The following SPATS2 variants were observed in gnomAD, a reference collection of about 807,000 sequenced individuals.
SPATS2 encodes spermatogenesis associated serine rich 2, also known as spermatogenesis-associated serine-rich protein 2.
A neutral mutation model predicts 63.7 loss-of-function variants in SPATS2; 38 were observed. That is an observed-to-expected ratio of 0.60 (90% CI 0.46 to 0.78). The LOEUF (loss-of-function observed/expected upper bound fraction) is 0.78. SPATS2 is among the 30% of genes least tolerant of loss of function. The pLI is 0.00. For synonymous variants in SPATS2, 207 were observed against 232.9 expected (o/e 0.89, Z 1.01); for missense variants, 588 against 666.2 (o/e 0.88, Z 1.29).
rs10601423 is a variant in SPATS2, at chr12:49,375,141, AGTGTGTGTGTGTGTGTGTGTGTGT to A, written c.-244+3883_-244+3906del. On this transcript the variant is annotated intron_variant, in intron 2 of 13. Transcript: ENST00000552918. ...CAAGATGTATGATTGCAAGTTGTGG[AGTGTGTGTGTGTGTGTGTGTGTGT>A]GTGTGTGTGTGTGTGTGTGTGTGTG... Among the ~76,000 whole-genome samples the A allele has an allele frequency of 1.0e-3, 123 of 123,382 alleles. 1 individual carries two copies. Among genetic ancestry groups the A allele is most frequent in the African/African-American group, 3.1e-3 (98 of 31,190 alleles). The allele number at this position is 123,382 out of a possible 152,430, so 80.9% of individuals were successfully genotyped here. A position where few individuals can be genotyped will look rare whatever the true frequency, so the allele number is the denominator to read the frequency against.
chr12:49,513,210 AGTGTGTGTGT>A (rs71860115), intron 9 of SPATS2, among the ~76,000 whole-genome samples: 183 of 148,124 alleles, frequency 1.2e-3, no homozygotes, highest in African/African-American at 4.4e-3. Flanking sequence ...AGAGAGAAAG[AGTGTGTGTGT>A]GTGTGTGTGT....
intron 2 of SPATS2, among the ~76,000 whole-genome samples, chr12:49,427,339 A>C (rs1945098724): frequency 6.6e-6 from 1 of 152,242 alleles, no homozygotes; most frequent in South Asian, 2.1e-4. Flanking sequence ...TTAACATTAT[A>C]TTGCTAAGAT....
chr12:49,495,344 C>T (rs1019904571), intron 7 of SPATS2, among the ~76,000 whole-genome samples: 1 of 152,040 alleles, frequency 6.6e-6, no homozygotes, highest in Non-Finnish European at 1.5e-5. Context: ...CAGGCACCCG[C>T]CACCACGCCT....
In SPATS2 at chr12:49,525,998, T is replaced by G. The variant is rs772940669; in HGVS notation, c.1381T>G (p.Ser461Ala). The change falls in exon 14 of 14, where the codon TCC (serine) becomes GCC (alanine). Residue 461 changes from serine (S) to alanine (A), a missense_variant. Physicochemically the swap from Ser to Ala is moderately conservative, Grantham distance 99. Coordinates refer to ENST00000552918, the MANE Select transcript of SPATS2 (RefSeq NM_023071.4). ...GQGYRPQGQK[S>A]NDPMNQGRHD... ...GGGCTATAGGCCACAAGGCCAAAAG[T>G]CCAATGACCCCATGAACCAAGGGCG... is the stretch of plus-strand genomic sequence containing the variant. The G allele has an allele frequency of 3.1e-6, 5 of 1,614,204 alleles. No homozygotes were observed. Among genetic ancestry groups the G allele is most frequent in the Non-Finnish European group, 8.5e-7 (1 of 1,180,034 alleles).
intron 2 of SPATS2, among the ~76,000 whole-genome samples, chr12:49,379,018 A>G (rs1212818119): frequency 3.3e-5 from 5 of 151,540 alleles, no homozygotes; most frequent in Non-Finnish European, 5.9e-5. Flanking sequence ...CCCGGGTTCA[A>G]GTGATTCTTC....
intron 5 of SPATS2, among the ~76,000 whole-genome samples, chr12:49,489,852 T>C (rs1208118340): frequency 2.6e-5 from 4 of 152,182 alleles, no homozygotes; most frequent in African/African-American, 7.2e-5. Flanking sequence ...AGGGACTTGA[T>C]TGGACTTGGG....
intron 9 of SPATS2, among the ~76,000 whole-genome samples, chr12:49,506,622 G>A (rs1247914268): frequency 3.9e-5 from 6 of 152,138 alleles, no homozygotes; most frequent in African/African-American, 1.4e-4. Flanking sequence ...CAAGGCAGGA[G>A]GATTACTTGA....
intron 3 of SPATS2, among the ~76,000 whole-genome samples, chr12:49,483,137 G>GC (rs1946234005): frequency 1.2e-5 from 1 of 81,988 alleles, no homozygotes; most frequent in Non-Finnish European, 2.6e-5. Context: ...GTTGTTAAAG[G>GC]AAAAAAAAAA....
intron 2 of SPATS2, among the ~76,000 whole-genome samples, chr12:49,412,139 T>C (rs1185068406): frequency 6.6e-6 from 1 of 152,142 alleles, no homozygotes; most frequent in African/African-American, 2.4e-5. Context: ...CACTATAAAT[T>C]AGTGTTATAT....
At chr12:49,497,747 T>C (rs1017191286) in intron 8 of SPATS2, among the ~76,000 whole-genome samples, 2 of 152,102 alleles carry the variant, frequency 1.3e-5, no homozygotes, top group Admixed American at 6.5e-5. Context: ...TTCATGCTCT[T>C]ACTGAGCTAG....
In SPATS2 at chr12:49,515,422, G is replaced by T. The variant is rs541914360; in HGVS notation, c.898+809G>T. The stretch of plus-strand genomic sequence containing the variant: ...CAAACTGGTAAGAATAGAAATGCTG[G>T]GCTAGGTCGAGATCATGACTCACAG... On this transcript the variant is annotated intron_variant, in intron 10 of 13. Transcript: ENST00000552918. 3.3e-5 allele frequency among the ~76,000 whole-genome samples: 5 copies of T among 152,246 alleles called. No homozygotes were observed. The South Asian group carries it at 8.3e-4, about 25-fold the overall frequency.
chr12:49,406,029 C>T (rs201967051), intron 2 of SPATS2, among the ~76,000 whole-genome samples: 5 of 151,734 alleles, frequency 3.3e-5, no homozygotes, highest in East Asian at 3.9e-4. Flanking sequence ...TTTGGGAGGC[C>T]GAGGCGGGTG....
intron 9 of SPATS2, among the ~76,000 whole-genome samples, chr12:49,510,650 TA>T (rs1946737683): frequency 6.6e-6 from 1 of 152,264 alleles, no homozygotes; most frequent in African/African-American, 2.4e-5. Context: ...TGGTTTTGAC[TA>T]TTATCCCTTG....
At chr12:49,455,787 A>G (rs1269067954) in intron 2 of SPATS2, among the ~76,000 whole-genome samples, 1 of 151,886 alleles carries the variant, frequency 6.6e-6, no homozygotes, top group African/African-American at 2.4e-5. Context: ...ATGCCCAGCT[A>G]ATTTTTGTAT....
intron 10 of SPATS2, among the ~76,000 whole-genome samples, chr12:49,515,267 C>T (rs1415163887): frequency 1.3e-5 from 2 of 152,134 alleles, no homozygotes; most frequent in Non-Finnish European, 2.9e-5. Flanking sequence ...CACAGCTACA[C>T]GAAGACAAGG....
chr12:49,390,028 C>G, intron 2 of SPATS2: 2 of 940,406 alleles, frequency 2.1e-6, no homozygotes, highest in Non-Finnish European at 3.5e-6. Flanking sequence ...TCAACTTGAA[C>G]AAGAAAACAA....
chr12:49,493,525 C>A (rs1946418585), intron 6 of SPATS2, among the ~76,000 whole-genome samples: 1 of 152,062 alleles, frequency 6.6e-6, no homozygotes, highest in Non-Finnish European at 1.5e-5. Context: ...CCTCAGCCTC[C>A]CGAGTAGGTG....
At chr12:49,435,645 T>C (rs995172868) in intron 2 of SPATS2, among the ~76,000 whole-genome samples, 48 of 97,138 alleles carry the variant, frequency 4.9e-4, no homozygotes, top group Non-Finnish European at 6.9e-4. Context: ...TTTCTTTTTT[T>C]TTTTTTTTTT....
In SPATS2 at chr12:49,525,928, A is replaced by T. The variant is rs950010903; in HGVS notation, c.1327-16A>T. The T allele has an allele frequency of 6.2e-7, 1 of 1,609,080 alleles. No individual in the cohort carries two copies. Among genetic ancestry groups the T allele is most frequent in the Non-Finnish European group, 8.5e-7 (1 of 1,177,100 alleles). On this transcript the variant is annotated splice_polypyrimidine_tract_variant and intron_variant, in intron 13 of 13. Coordinates refer to ENST00000552918, the MANE Select transcript of SPATS2 (RefSeq NM_023071.4). Reference sequence around the variant, plus strand: ...AATGCTAGAGCACCTTGAACATTGTATTCTTTCATCTTTAGGTATTGCCAG... The same window carrying T: ...AATGCTAGAGCACCTTGAACATTGTTTTCTTTCATCTTTAGGTATTGCCAG...
Sources: allele counts gnomAD v4.1 joint callset (sites outside exome capture counted in the v4.1 genomes callset), GRCh38; gene constraint gnomAD v4.1.1; transcripts MANE v1.5; gene names NCBI Gene and HGNC (gene_info 2026-07-23, HGNC 2026-07-21).